The following CDH13 variants were observed in gnomAD, a reference collection of about 807,000 sequenced individuals.
CDH13 encodes the protein cadherin-13.
Under a neutral mutation model 63.8 loss-of-function variants are expected in CDH13, and 24 were observed. That is an observed-to-expected ratio of 0.38 (90% CI 0.27 to 0.53). The LOEUF (loss-of-function observed/expected upper bound fraction) is 0.53, where lower values mean the gene tolerates loss of function less well. Ranked by LOEUF, CDH13 falls within the 20% of genes least tolerant of loss-of-function variation. The probability of loss-of-function intolerance (pLI) is 0.85; values close to 1 mark genes in which losing one functional copy is unlikely to be tolerated. For synonymous variants in CDH13, 503 were observed against 355.3 expected (o/e 1.42, Z -4.67); for missense variants, 1,049 against 903.1 (o/e 1.16, Z -2.07).
At chr16:83,137,590 C>T (rs1209499054) in intron 4 of CDH13, among the ~76,000 whole-genome samples, 1 of 152,178 alleles carries the variant, frequency 6.6e-6, no homozygotes. Context: ...TCTCCGCTGA[C>T]AACCCTGTTC....
intron 8 of CDH13, among the ~76,000 whole-genome samples, chr16:83,656,278 A>G (rs1395654136): frequency 1.3e-5 from 2 of 152,220 alleles, no homozygotes; most frequent in African/African-American, 2.4e-5. Flanking sequence ...CACAACATGA[A>G]TAAATGGTGG....
At chr16:82,991,788 C>T (rs1197276639) in intron 2 of CDH13, among the ~76,000 whole-genome samples, 1 of 152,070 alleles carries the variant, frequency 6.6e-6, no homozygotes, top group African/African-American at 2.4e-5. Context: ...AGTTTGAGCA[C>T]AGCTGATCTT....
chr16:83,120,249 C>T lies in CDH13; in HGVS notation c.367-5136C>T, dbSNP rs559388326. Among the ~76,000 whole-genome samples, 12 of 152,186 alleles carry T rather than the reference C, an allele frequency of 7.9e-5. No homozygotes were observed. In the South Asian group the frequency reaches 8.3e-4, roughly 11 times the overall value. The stretch of plus-strand genomic sequence containing the variant: ...CACTTGCCATACTTCTGGGATGCGC[C>T]GTAATAATCAAGGAAATGGATGGGC... On this transcript the variant is annotated intron_variant, in intron 3 of 13. Coordinates refer to ENST00000567109, the MANE Select transcript of CDH13 (RefSeq NM_001257.5).
In CDH13 at chr16:82,772,900, A is replaced by G. The variant is rs372417147; in HGVS notation, c.46-85462A>G. On this transcript the variant is annotated intron_variant, in intron 1 of 13. Coordinates refer to ENST00000567109, the MANE Select transcript of CDH13 (RefSeq NM_001257.5). ...TGAGTACACATGGTTGTGGGGGCAT[A>G]GGTTGCTTCAGTGGCCATCAGGATG... Among the ~76,000 whole-genome samples, 25 of 152,334 alleles carry G rather than the reference A, an allele frequency of 1.6e-4. No individual in the cohort carries two copies. The South Asian group carries it at 5.2e-3, about 32-fold the overall frequency.
chr16:83,376,294 G>A (rs1440047519), intron 6 of CDH13, among the ~76,000 whole-genome samples: 1 of 152,140 alleles, frequency 6.6e-6, no homozygotes, highest in Non-Finnish European at 1.5e-5. Flanking sequence ...ATGCACAGAT[G>A]TGGAAGACTC....
chr16:82,686,232 C>G (rs546341335), intron 1 of CDH13, among the ~76,000 whole-genome samples: 4 of 152,192 alleles, frequency 2.6e-5, no homozygotes, highest in African/African-American at 9.7e-5. Flanking sequence ...GCAGAATACT[C>G]TTGAAAGTAA....
chr16:83,068,823 C>T (rs2032226192), intron 3 of CDH13, among the ~76,000 whole-genome samples: 1 of 152,152 alleles, frequency 6.6e-6, no homozygotes, highest in Admixed American at 6.5e-5. Context: ...AATTTTTCTG[C>T]CTTAACCGTT....
At chr16:83,694,656 C>T (rs1283228148) in intron 10 of CDH13, among the ~76,000 whole-genome samples, 3 of 152,144 alleles carry the variant, frequency 2.0e-5, no homozygotes, top group Admixed American at 6.5e-5. Flanking sequence ...GTGACATGGG[C>T]CAGCAACCAG....
chr16:83,422,751 A>G (rs1390458129), intron 6 of CDH13, among the ~76,000 whole-genome samples: 2 of 152,164 alleles, frequency 1.3e-5, no homozygotes, highest in Admixed American at 1.3e-4. Flanking sequence ...GATTACCCAA[A>G]GTTGCCCCAA....
At chr16:83,510,881 T>G (rs955212057) in intron 7 of CDH13, among the ~76,000 whole-genome samples, 3 of 152,260 alleles carry the variant, frequency 2.0e-5, no homozygotes, top group Non-Finnish European at 4.4e-5. Flanking sequence ...TGTAGGTCAG[T>G]GCATTTCAGG....
rs145134888 is a variant in CDH13, at chr16:83,622,826, C to T, written c.1101+20232C>T. Reference sequence around the variant, plus strand: ...TTGTTCTGAGTTAGCAGGGTTGCAGCGGCCTCAGCTTTTTGGTTCATGCAG... The same window carrying T: ...TTGTTCTGAGTTAGCAGGGTTGCAGTGGCCTCAGCTTTTTGGTTCATGCAG... On this transcript the variant is annotated intron_variant, in intron 8 of 13. Transcript: ENST00000567109. Among the ~76,000 whole-genome samples the T allele has an allele frequency of 8.5e-3, 1,302 of 152,326 alleles. 20 individuals are homozygous for T. The highest frequency in any genetic ancestry group is 0.03 in the African/African-American group (1,234 of 41,560).
At chr16:83,514,768 C>A (rs1032265612) in intron 7 of CDH13, among the ~76,000 whole-genome samples, 3 of 152,166 alleles carry the variant, frequency 2.0e-5, no homozygotes, top group Admixed American at 2.0e-4. Flanking sequence ...TACCACGGGT[C>A]ACCAGCAAAC....
At chr16:83,237,149 T>G (rs1017337989) in intron 5 of CDH13, among the ~76,000 whole-genome samples, 2 of 152,084 alleles carry the variant, frequency 1.3e-5, no homozygotes, top group Non-Finnish European at 2.9e-5. Context: ...TTTAGGAAAT[T>G]GCAGCCTAAA....
chr16:83,723,680 C>T (rs910988196), intron 10 of CDH13, among the ~76,000 whole-genome samples: 13 of 152,324 alleles, frequency 8.5e-5, no homozygotes, highest in African/African-American at 2.9e-4. Context: ...CTGAAGTTAT[C>T]GTATTGTGTG....
chr16:83,351,479 C>T (rs1331565873), intron 6 of CDH13, among the ~76,000 whole-genome samples: 2 of 152,144 alleles, frequency 1.3e-5, no homozygotes, highest in Non-Finnish European at 2.9e-5. Context: ...CACAGTTTTA[C>T]AGAATGGGAG....
chr16:83,172,213 G>A (rs987954644), intron 4 of CDH13, among the ~76,000 whole-genome samples: 30 of 152,118 alleles, frequency 2.0e-4, no homozygotes, highest in African/African-American at 6.5e-4. Context: ...GCAGATGGCC[G>A]GGTACGGTGG....
At chr16:82,850,292 G>A (rs1478126700) in intron 1 of CDH13, among the ~76,000 whole-genome samples, 2 of 152,200 alleles carry the variant, frequency 1.3e-5, no homozygotes, top group Admixed American at 6.5e-5. Flanking sequence ...CCTCATGGAT[G>A]ATTTTGAGAG....
chr16:83,680,709 G>C (rs867255800), intron 10 of CDH13, among the ~76,000 whole-genome samples: 5 of 152,204 alleles, frequency 3.3e-5, no homozygotes, highest in Middle Eastern at 3.4e-3. Context: ...GGATCTTCCT[G>C]TTTCTCTAGC....
chr16:82,733,133 A>G (rs577110531), intron 1 of CDH13, among the ~76,000 whole-genome samples: 2 of 152,202 alleles, frequency 1.3e-5, no homozygotes, highest in Non-Finnish European at 2.9e-5. Flanking sequence ...TTGCTATCCA[A>G]CTGGATGCCC....
Sources: allele counts gnomAD v4.1 joint callset (sites outside exome capture counted in the v4.1 genomes callset), GRCh38; gene constraint gnomAD v4.1.1; transcripts MANE v1.5; gene names NCBI Gene and HGNC (gene_info 2026-07-23, HGNC 2026-07-21).